Variants in COLGALT2 observed in about 807,000 individuals in gnomAD.
COLGALT2 encodes procollagen galactosyltransferase 2.
COLGALT2 carries 49 observed loss-of-function variants against 73.4 expected under a neutral mutation model. The ratio of observed to expected loss-of-function variants is 0.67; its 90% CI spans 0.53 to 0.85. The LOEUF (loss-of-function observed/expected upper bound fraction) is 0.85, where lower values mean the gene tolerates loss of function less well. Among genes scored for constraint, COLGALT2 ranks in the 40% least tolerant of loss-of-function variants. The pLI is 0.00. For synonymous variants in COLGALT2, 295 were observed against 307.6 expected, an observed-to-expected ratio of 0.96 and a Z score of 0.43; for missense variants, 722 against 790.2, an observed-to-expected ratio of 0.91 and a Z score of 1.03.
At chr1:183,995,524 C>T (rs1480372153) in intron 1 of COLGALT2, among the ~76,000 whole-genome samples, 1 of 152,248 alleles carries the variant, frequency 6.6e-6, no homozygotes, top group African/African-American at 2.4e-5. Context: ...GTTCTTCAAG[C>T]AGGACATTCT....
chr1:183,950,731 C>G (rs1337338472), intron 8 of COLGALT2, among the ~76,000 whole-genome samples: 1 of 152,118 alleles, frequency 6.6e-6, no homozygotes, highest in Non-Finnish European at 1.5e-5. Flanking sequence ...TGAAAACCAC[C>G]ACAACTGTTG....
intron 1 of COLGALT2, among the ~76,000 whole-genome samples, chr1:183,994,516 G>A (rs1442540644): frequency 6.6e-6 from 1 of 152,130 alleles, no homozygotes; most frequent in Non-Finnish European, 1.5e-5. Flanking sequence ...GTGCAGTGGT[G>A]TGATCTCAGC....
intron 1 of COLGALT2, among the ~76,000 whole-genome samples, chr1:184,031,606 C>T (rs536836603): frequency 6.6e-6 from 1 of 152,334 alleles, no homozygotes; most frequent in Non-Finnish European, 1.5e-5. Context: ...CATCTGTACT[C>T]GGTCTGCAAC....
At chr1:184,009,517 T>C (rs1056785996) in intron 1 of COLGALT2, among the ~76,000 whole-genome samples, 2 of 152,202 alleles carry the variant, frequency 1.3e-5, no homozygotes, top group African/African-American at 2.4e-5. Context: ...TATTTTATCC[T>C]CTGTTTTTTC....
intron 4 of COLGALT2, among the ~76,000 whole-genome samples, chr1:183,970,572 C>T (rs1368139593): frequency 1.3e-5 from 2 of 152,134 alleles, no homozygotes; most frequent in African/African-American, 2.4e-5. Context: ...ATGCCGACCC[C>T]ATGATAAGGG....
intron 1 of COLGALT2, among the ~76,000 whole-genome samples, chr1:184,003,658 T>C (rs1671990428): frequency 1.3e-5 from 2 of 152,186 alleles, no homozygotes; most frequent in South Asian, 4.1e-4. Flanking sequence ...GTTGTGCTTT[T>C]TTGATACTAA....
At chr1:183,973,771 T>C in intron 3 of COLGALT2, 21 bp from the exon 4 acceptor site, 1 of 1,610,614 alleles carries the variant, frequency 6.2e-7, no homozygotes, top group South Asian at 1.1e-5. Context: ...AAAAGGATAA[T>C]GTTAGGTGAA....
chr1:183,969,176 A>AG (rs1670963763), intron 5 of COLGALT2, 93 bp downstream of exon 5: 3 of 1,033,694 alleles, frequency 2.9e-6, no homozygotes, highest in Admixed American at 3.2e-5. Context: ...CAGACATATG[A>AG]GGGTTTTTTT....
chr1:183,969,279 G>C lies in COLGALT2; in HGVS notation c.822C>G (p.Ser274Arg). The change falls in exon 5 of 12, where the codon AGC becomes AGG. Residue 274 changes from serine to arginine, a missense_variant. Transcript: ENST00000361927. ...FDDIIVFAFS[S>R]RQAGIQMYLC... ...AAAGACAAACAGTACCTGCTTGCCT[G>C]CTGGAGAAGGCAAAGACAATGATGT... 3 of 1,611,322 alleles carry C rather than the reference G, an allele frequency of 1.9e-6. No homozygotes were observed. Among genetic ancestry groups the C allele is most frequent in the Non-Finnish European group, 2.5e-6 (3 of 1,178,614 alleles).
chr1:184,026,674 A>G (rs1649340734), intron 1 of COLGALT2, among the ~76,000 whole-genome samples: 2 of 152,190 alleles, frequency 1.3e-5, no homozygotes, highest in South Asian at 4.1e-4. Flanking sequence ...CAGCTACTAA[A>G]AACAGGCTAA....
At chr1:183,948,460 C>T (rs1670305203) in intron 8 of COLGALT2, among the ~76,000 whole-genome samples, 1 of 152,158 alleles carries the variant, frequency 6.6e-6, no homozygotes, top group Admixed American at 6.5e-5. Flanking sequence ...ACCATATTAA[C>T]AGGCAAAAGT....
chr1:184,003,464 C>T (rs1671984468), intron 1 of COLGALT2, among the ~76,000 whole-genome samples: 1 of 152,176 alleles, frequency 6.6e-6, no homozygotes, highest in South Asian at 2.1e-4. Context: ...GTCTTCAAAT[C>T]CGTCCAGTCC....
Position 184,031,112 on chromosome 1 carries a change from T to C in COLGALT2, c.263+5983A>G, listed in dbSNP as rs561358703. On this transcript the variant is annotated intron_variant, in intron 1 of 11. Transcript: ENST00000361927. ...AATTGGAGGTTGCAGGGAGGATTGA[T>C]AATTTCTTCAATCATTTGGAATGAA... Among the ~76,000 whole-genome samples the C allele has an allele frequency of 5.3e-5, 8 of 152,332 alleles. No homozygotes were observed. The South Asian group carries it at 1.7e-3, about 32-fold the overall frequency.
At chr1:183,979,334 G>A (rs1333593662) in intron 1 of COLGALT2, among the ~76,000 whole-genome samples, 6 of 152,094 alleles carry the variant, frequency 3.9e-5, no homozygotes, top group African/African-American at 1.2e-4. Flanking sequence ...AGAGAAGAAA[G>A]CAGGAGTTGT....
At chr1:183,962,022 T>C (rs1483789404) in intron 6 of COLGALT2, among the ~76,000 whole-genome samples, 1 of 152,112 alleles carries the variant, frequency 6.6e-6, no homozygotes, top group Non-Finnish European at 1.5e-5. Flanking sequence ...TGCTAGGTCC[T>C]GAGACTAATA....
chr1:183,993,300 G>A (rs1671681344), intron 1 of COLGALT2, among the ~76,000 whole-genome samples: 3 of 152,208 alleles, frequency 2.0e-5, no homozygotes, highest in Admixed American at 2.0e-4. Context: ...TTATCTAAGA[G>A]GAAGTGGGGA....
At position 183,937,526 on chromosome 1, in the gene COLGALT2, A is replaced by T. The variant is rs1295755716; in HGVS notation, c.*1235T>A. 1.0e-6 allele frequency: 1 copy of T among 985,276 alleles called. No individual in the cohort carries two copies. Among genetic ancestry groups the T allele is most frequent in the East Asian group, 1.1e-4 (1 of 8,818 alleles). The allele number at this position is 985,276 out of a possible 1,614,324, so 61.0% of individuals were successfully genotyped here. On this transcript the variant is annotated 3_prime_UTR_variant, in exon 12 of 12. Transcript: ENST00000361927. ...CCTGGTTGCTGGCCTAAATCAGGTG[A>T]CCAGCCCTTTGTTTCTGACCAGGTT...
intron 4 of COLGALT2, among the ~76,000 whole-genome samples, chr1:183,970,175 G>A (rs1217388388): frequency 6.6e-6 from 1 of 152,028 alleles, no homozygotes; most frequent in African/African-American, 2.4e-5. Context: ...TAGTTTTTGG[G>A]GATTCAGCTT....
chr1:184,006,650 T>C (rs1439342980), intron 1 of COLGALT2, among the ~76,000 whole-genome samples: 1 of 151,892 alleles, frequency 6.6e-6, no homozygotes, highest in African/African-American at 2.4e-5. Flanking sequence ...CAAAGGATAC[T>C]AACATAACTG....
Sources: allele counts gnomAD v4.1 joint callset (sites outside exome capture counted in the v4.1 genomes callset), GRCh38; gene constraint gnomAD v4.1.1; transcripts MANE v1.5; gene names NCBI Gene and HGNC (gene_info 2026-07-23, HGNC 2026-07-21).